Variants in MMP8 observed in about 807,000 individuals in gnomAD.
MMP8 encodes the protein neutrophil collagenase.
A neutral mutation model predicts 51.2 loss-of-function variants in MMP8; 67 were observed. That is an observed-to-expected ratio of 1.31 (90% CI 1.08 to 1.60). The LOEUF is 1.60. Among genes scored for constraint, MMP8 ranks in the 40% most tolerant of loss-of-function variants. MMP8 has a pLI of 0.00. For synonymous variants in MMP8, 225 were observed against 191.0 expected (o/e 1.18, Z -1.47); for missense variants, 654 against 558.1 (o/e 1.17, Z -1.73).
At chr11:102,723,187 T>A in intron 1 of MMP8, 1 of 505,342 alleles carries the variant, frequency 2.0e-6, no homozygotes, top group Non-Finnish European at 3.5e-6. Context: ...TCAAAATAAT[T>A]TCAAATATCT....
In MMP8 at chr11:102,722,504, CA is replaced by C. The variant is rs1861502912; in HGVS notation, c.271del (p.Cys91ValfsTer11). 2 of 1,613,866 alleles carry C rather than the reference CA, an allele frequency of 1.2e-6. No homozygotes were observed. Among genetic ancestry groups the C allele is most frequent in the Non-Finnish European group, 1.7e-6 (2 of 1,179,880 alleles). On this transcript the variant is annotated frameshift_variant, in exon 2 of 10. Transcript: ENST00000236826. LOFTEE classifies it high-confidence loss of function. Reference sequence around the variant, plus strand: ...AAAACCACCACTGTCAGGCACTCCACAGCGAGGCTTTTTCATCATGTCCAGA... The same window carrying C: ...AAAACCACCACTGTCAGGCACTCCACGCGAGGCTTTTTCATCATGTCCAGA... ...ETLDMMKKPR[C>X]GVPDSGGFML...
At chr11:102,721,899 T>G (rs139902759) in intron 2 of MMP8, 137 bp from the exon 3 acceptor site, 1 of 985,588 alleles carries the variant, frequency 1.0e-6, no homozygotes, top group East Asian at 2.6e-5. Flanking sequence ...AGTGCAGGTC[T>G]CAGGGTGGAG....
chr11:102,718,282 A>G, intron 5 of MMP8, 132 bp downstream of exon 5: 1 of 965,526 alleles, frequency 1.0e-6, no homozygotes, highest in Non-Finnish European at 1.5e-6. Context: ...TTAATGCTTT[A>G]TTACTGGGGA....
At position 102,722,915 on chromosome 11, in the gene MMP8, T is replaced by A. The variant is rs933407657; in HGVS notation, c.103-242A>T. On this transcript the variant is annotated intron_variant, in intron 1 of 9. Transcript: ENST00000236826. ...AAGGGTGTCTCATAAGGGATGAGGA[T>A]CACATCACACAGGCAAAGTGCTACT... is the stretch of plus-strand genomic sequence containing the variant. 1.4e-5 allele frequency: 15 copies of A among 1,096,746 alleles called. No homozygotes were observed. The African/African-American group carries it at 2.4e-4, about 17-fold the overall frequency. 67.9% of individuals were successfully genotyped at this position (1,096,746 alleles called of 1,614,324 possible). A position where few individuals can be genotyped will look rare whatever the true frequency, so the allele number is the denominator to read the frequency against.
chr11:102,723,799 G>A, intron 1 of MMP8: 1 of 250,774 alleles, frequency 4.0e-6, no homozygotes, highest in Non-Finnish European at 8.2e-6. Flanking sequence ...TAAATTCAAG[G>A]GACACACTCT....
chr11:102,719,736 C>T (rs1485525270), intron 4 of MMP8, among the ~76,000 whole-genome samples: 3 of 152,158 alleles, frequency 2.0e-5, no homozygotes, highest in African/African-American at 2.4e-5. Flanking sequence ...TCTTTGAATG[C>T]TTGGAATACC....
intron 6 of MMP8, among the ~76,000 whole-genome samples, chr11:102,715,831 T>C (rs1565436963): frequency 1.3e-5 from 2 of 152,192 alleles, no homozygotes; most frequent in African/African-American, 4.8e-5. Context: ...AATGGACAAA[T>C]AAAAATTTCG....
intron 4 of MMP8, among the ~76,000 whole-genome samples, chr11:102,719,985 C>T (rs1939021): frequency 0.054 from 8,165 of 152,108 alleles, 465 homozygotes; most frequent in East Asian, 0.31. Flanking sequence ...AAAGGTGGTG[C>T]GTGGGGCATG....
intron 1 of MMP8, among the ~76,000 whole-genome samples, chr11:102,724,509 A>T (rs543543452): frequency 1.9e-4 from 29 of 152,336 alleles, no homozygotes; most frequent in African/African-American, 6.3e-4. Context: ...TTTCCCAACT[A>T]GGGGTAACTC....
intron 4 of MMP8, among the ~76,000 whole-genome samples, chr11:102,718,851 T>C (rs1374849269): frequency 6.6e-6 from 1 of 152,222 alleles, no homozygotes; most frequent in South Asian, 2.1e-4. Flanking sequence ...TTTACAAATG[T>C]GCATCTGAGA....
At position 102,713,264 on chromosome 11, in the gene MMP8, TA is replaced by T; in HGVS notation, c.*83del. 1 of 872,934 alleles carries T rather than the reference TA, an allele frequency of 1.1e-6. No individual in the cohort carries two copies. Among genetic ancestry groups the T allele is most frequent in the South Asian group, 1.4e-5 (1 of 71,866 alleles). The allele number at this position is 872,934 out of a possible 1,614,324, so 54.1% of individuals were successfully genotyped here. A position where few individuals can be genotyped will look rare whatever the true frequency, so the allele number is the denominator to read the frequency against. ...CAATGACTTAATATTGAGAAAAGTA[TA>T]AGCAGGACACAATGTAACGAAAATG... On this transcript the variant is annotated 3_prime_UTR_variant, in exon 10 of 10. Transcript: ENST00000236826.
Position 102,714,711 on chromosome 11 carries a change from T to C in MMP8, c.1037-2A>G, listed in dbSNP as rs1363681343. The C allele has an allele frequency of 2.0e-6, 3 of 1,490,034 alleles. No homozygotes were observed. The highest frequency in any genetic ancestry group is 2.7e-6 in the Non-Finnish European group (3 of 1,122,444). 92.3% of individuals were successfully genotyped at this position (1,490,034 alleles called of 1,614,324 possible). On this transcript the variant is annotated splice_acceptor_variant, in intron 7 of 9. Coordinates refer to ENST00000236826, the MANE Select transcript of MMP8 (RefSeq NM_002424.3). LOFTEE classifies it high-confidence loss of function. ...CACTCAGAGCCCAGTATTGGTTGCC[T>C]GTCAATGATTCAGGTTAAGTGTTAA... is the stretch of plus-strand genomic sequence containing the variant.
chr11:102,715,357 C>A lies in MMP8; in HGVS notation c.983G>T (p.Gly328Val). 1.2e-6 allele frequency: 2 copies of A among 1,613,566 alleles called. No individual in the cohort carries two copies. The highest frequency in any genetic ancestry group is 1.7e-6 in the Non-Finnish European group (2 of 1,179,782). The change falls in exon 7 of 10, where the codon GGT becomes GTT. Residue 328 changes from glycine to valine, a missense_variant. Coordinates refer to ENST00000236826, the MANE Select transcript of MMP8 (RefSeq NM_002424.3). ...ISLFWPSLPTGIQAAYEDFDR... is the reference protein window; with the variant it reads ...ISLFWPSLPTVIQAAYEDFDR... The stretch of plus-strand genomic sequence containing the variant: ...AAAATCTTCATAAGCAGCCTGTATA[C>A]CAGTTGGAAGGGATGGCCAGAATAG...
chr11:102,723,616 C>A, intron 1 of MMP8: 2 of 406,220 alleles, frequency 4.9e-6, no homozygotes, highest in South Asian at 1.8e-5. Context: ...ACACAAAGGG[C>A]AGCCCCTCTT....
At chr11:102,720,205 G>C (rs1861427283) in intron 4 of MMP8, among the ~76,000 whole-genome samples, 1 of 152,210 alleles carries the variant, frequency 6.6e-6, no homozygotes. Context: ...ACCTTATTTG[G>C]TGCAGAATGT....
chr11:102,724,712 T>A, intron 1 of MMP8, 42 bp downstream of exon 1: 1 of 1,513,288 alleles, frequency 6.6e-7, no homozygotes, highest in South Asian at 1.3e-5. Context: ...TATTTCCTAA[T>A]AATCAGCAAA....
In MMP8 at chr11:102,715,320, G is replaced by T. The variant is rs755639373; in HGVS notation, c.1020C>A (p.Leu340=). ...GGAAGTTACCTTTAAATAGGAAAATGAGGTCTCTGTCAAAATCTTCATAAG... is the reference window on the plus strand; with the variant it reads ...GGAAGTTACCTTTAAATAGGAAAATTAGGTCTCTGTCAAAATCTTCATAAG... The part of the protein sequence containing the change: ...QAAYEDFDRD[L]IFLFKGNQYW... The change falls in exon 7 of 10, where the codon CTC becomes CTA. Residue 340 remains leucine, a synonymous_variant. Coordinates refer to ENST00000236826, the MANE Select transcript of MMP8 (RefSeq NM_002424.3). 1 of 1,611,148 alleles carries T rather than the reference G, an allele frequency of 6.2e-7. No homozygotes were observed. The highest frequency in any genetic ancestry group is 8.5e-7 in the Non-Finnish European group (1 of 1,179,110).
In MMP8 at chr11:102,712,832, A is replaced by C. The variant is rs1205370921; in HGVS notation, c.*516T>G. 2 of 152,494 alleles carry C rather than the reference A, an allele frequency of 1.3e-5. No individual in the cohort carries two copies. Among genetic ancestry groups the C allele is most frequent in the Non-Finnish European group, 2.9e-5 (2 of 68,276 alleles). The allele number at this position is 152,494 out of a possible 1,614,324, so 9.4% of individuals were successfully genotyped here. A position where few individuals can be genotyped will look rare whatever the true frequency, so the allele number is the denominator to read the frequency against. On this transcript the variant is annotated 3_prime_UTR_variant, in exon 10 of 10. Transcript: ENST00000236826. Reference sequence around the variant, plus strand: ...CTTCAACATATCTTTTATGGGGGACACAATTCAACCCACGAAACATATCAT... The same window carrying C: ...CTTCAACATATCTTTTATGGGGGACCCAATTCAACCCACGAAACATATCAT...
At chr11:102,714,762 T>TTA (rs58774554) in intron 7 of MMP8, 53 bp from the exon 8 acceptor site, 2,336 of 176,214 alleles carry the variant, frequency 0.013, 48 homozygotes, top group East Asian at 0.027. Flanking sequence ...TTTTACAAAA[T>TTA]TATATATATA....
Sources: allele counts gnomAD v4.1 joint callset (sites outside exome capture counted in the v4.1 genomes callset), GRCh38; gene constraint gnomAD v4.1.1; transcripts MANE v1.5; gene names NCBI Gene and HGNC (gene_info 2026-07-23, HGNC 2026-07-21).